Variants in PPP2R5C observed in about 807,000 individuals in gnomAD.
PPP2R5C encodes the protein protein phosphatase 2 regulatory subunit B'gamma.
Under a neutral mutation model 68.9 loss-of-function variants are expected in PPP2R5C, and 7 were observed. That is an observed-to-expected ratio of 0.10 (90% CI 0.06 to 0.19). PPP2R5C has a LOEUF of 0.19. Among genes scored for constraint, PPP2R5C ranks in the 10% least tolerant of loss-of-function variants. The pLI is 1.00. For synonymous variants in PPP2R5C, 210 were observed against 222.2 expected (o/e 0.95, Z 0.49); for missense variants, 348 against 641.3 (o/e 0.54, Z 4.94).
chr14:101,871,228 T>TTTGTTGTTGTTGTTG, intron 2 of PPP2R5C, among the ~76,000 whole-genome samples: 1 of 117,648 alleles, frequency 8.5e-6, no homozygotes, highest in South Asian at 2.6e-4. Context: ...TGTTTTGGTT[T>TTTGTTGTTGTTGTTG]TTGTTGTTGT....
chr14:101,847,797 G>A, intron 1 of PPP2R5C, among the ~76,000 whole-genome samples: 1 of 151,792 alleles, frequency 6.6e-6, no homozygotes, highest in Non-Finnish European at 1.5e-5. Context: ...CGAGTAACTG[G>A]GACTACAGGC....
Position 101,781,886 on chromosome 14 carries a change from C to T in PPP2R5C, c.94-4132C>T, listed in dbSNP as rs1326696258. Reference sequence around the variant, plus strand: ...GCCGTGGCCAGGTGTACCGGAGCGGCACCCAGGAGCCCGCCCTAGCACCCG... The same window carrying T: ...GCCGTGGCCAGGTGTACCGGAGCGGTACCCAGGAGCCCGCCCTAGCACCCG... On this transcript the variant is annotated intron_variant, in intron 2 of 14. Transcript: ENST00000328724. This position sits in a 1 kb window ranked among gnomAD's most constrained non-coding sequence, Gnocchi z 6.4. Among the ~76,000 whole-genome samples the T allele has an allele frequency of 6.6e-6, 1 of 151,854 alleles. No homozygotes were observed. The highest frequency in any genetic ancestry group is 1.5e-5 in the Non-Finnish European group (1 of 67,878).
At chr14:101,878,638 G>T (rs1169568383) in intron 2 of PPP2R5C, among the ~76,000 whole-genome samples, 1 of 152,204 alleles carries the variant, frequency 6.6e-6, no homozygotes, top group Non-Finnish European at 1.5e-5. Flanking sequence ...TCTGGACTCC[G>T]TGGACAGGCA....
chr14:101,822,108 C>G (rs2040121690), intron 1 of PPP2R5C, among the ~76,000 whole-genome samples: 1 of 125,260 alleles, frequency 8.0e-6, no homozygotes, highest in African/African-American at 2.9e-5. Flanking sequence ...ACATCCCTTG[C>G]TAAATTATTA....
chr14:101,911,609 G>A (rs1181101689), intron 11 of PPP2R5C, among the ~76,000 whole-genome samples: 2 of 152,108 alleles, frequency 1.3e-5, no homozygotes, highest in Non-Finnish European at 2.9e-5. Context: ...CTGGCCGGGC[G>A]CAGTGGCTCA....
intron 13 of PPP2R5C, among the ~76,000 whole-genome samples, chr14:101,920,386 C>G (rs920616532): frequency 2.0e-5 from 3 of 152,244 alleles, no homozygotes; most frequent in Admixed American, 6.5e-5. Flanking sequence ...CTTGTAAATA[C>G]ACACACAGGC....
chr14:101,851,087 C>T (rs948756449), intron 1 of PPP2R5C, among the ~76,000 whole-genome samples: 1 of 152,182 alleles, frequency 6.6e-6, no homozygotes, highest in Non-Finnish European at 1.5e-5. Context: ...TGTCTGTGGG[C>T]TCGCGACTTG....
At chr14:101,862,782 A>G (rs1463730135) in intron 2 of PPP2R5C, among the ~76,000 whole-genome samples, 2 of 151,724 alleles carry the variant, frequency 1.3e-5, no homozygotes, top group Non-Finnish European at 2.9e-5. Flanking sequence ...ATAGTTATTC[A>G]TAAATACATG....
At chr14:101,910,401 ATG>A (rs34403296) in intron 11 of PPP2R5C, among the ~76,000 whole-genome samples, 47,796 of 151,110 alleles carry the variant, frequency 0.32, 10,251 homozygotes, top group African/African-American at 0.62. Context: ...GTGTGTATCT[ATG>A]TGTGTGTGTG....
chr14:101,767,026 G>GC (rs2036893610), intron 2 of PPP2R5C: 1 of 152,176 alleles, frequency 6.6e-6, no homozygotes, highest in Non-Finnish European at 1.5e-5. Context: ...ATTAAAGGTC[G>GC]TTTGAGTATT....
intron 3 of PPP2R5C, among the ~76,000 whole-genome samples, chr14:101,787,672 C>T (rs899254727): frequency 3.4e-5 from 5 of 146,364 alleles, no homozygotes; most frequent in East Asian, 4.2e-4. Context: ...GAGGCTGAGG[C>T]GGGAGAATGG....
At chr14:101,894,948 T>C (rs1439024649) in intron 8 of PPP2R5C, among the ~76,000 whole-genome samples, 2 of 152,208 alleles carry the variant, frequency 1.3e-5, no homozygotes, top group African/African-American at 4.8e-5. Flanking sequence ...TTGAAATTAT[T>C]GTTGTACTAA....
chr14:101,825,059 G>T lies in PPP2R5C; in HGVS notation c.94+15023G>T, dbSNP rs200803781. ...AGAGCAGTTAAGTGGAAGGCAAGAC[G>T]CAGCAGTGGCTTCTCACGCCATCTT... is the stretch of plus-strand genomic sequence containing the variant. On this transcript the variant is annotated intron_variant, in intron 1 of 13. Coordinates refer to ENST00000334743, the Ensembl canonical transcript of PPP2R5C. The surrounding 1 kb of genome is among the most constrained non-coding windows in gnomAD (Gnocchi z 4.0). 5.3e-5 allele frequency: 8 copies of T among 152,264 alleles called. No individual in the cohort carries two copies. The highest frequency in any genetic ancestry group is 2.0e-4 in the Admixed American group (3 of 15,278). The allele number at this position is 152,264 out of a possible 1,614,324, so 9.4% of individuals were successfully genotyped here.
chr14:101,876,736 G>C (rs190773550), intron 2 of PPP2R5C, among the ~76,000 whole-genome samples: 1 of 152,178 alleles, frequency 6.6e-6, no homozygotes, highest in Non-Finnish European at 1.5e-5. Context: ...AGATGGGGCC[G>C]TGTGAATCAC....
At chr14:101,761,630 G>T (rs1483447300), upstream of PPP2R5C, among the ~76,000 whole-genome samples, 3 of 132,890 alleles carry the variant, frequency 2.3e-5, no homozygotes, top group Non-Finnish European at 3.3e-5. Context: ...CGGCCGGGGG[G>T]TGGGAGGAGA....
At chr14:101,871,225 GT>G (rs780908116) in intron 2 of PPP2R5C, among the ~76,000 whole-genome samples, 11,351 of 134,396 alleles carry the variant, frequency 0.084, 470 homozygotes, top group Middle Eastern at 0.16. Flanking sequence ...TTTTGTTTTG[GT>G]TTTTGTTGTT....
intron 2 of PPP2R5C, among the ~76,000 whole-genome samples, chr14:101,863,625 G>A (rs1178430541): frequency 5.3e-5 from 8 of 151,998 alleles, no homozygotes; most frequent in South Asian, 2.1e-4. Context: ...GGCCAGGTAC[G>A]GTGGCTCACA....
chr14:101,761,435 T>C (rs1405591371), upstream of PPP2R5C, among the ~76,000 whole-genome samples: 1 of 150,080 alleles, frequency 6.7e-6, no homozygotes, highest in Non-Finnish European at 1.5e-5. Context: ...GCGGCCTGCC[T>C]GAGGCCGGCT....
exon 14 of PPP2R5C, chr14:101,926,420 A>C (rs1420220969): frequency 6.5e-6 from 1 of 152,694 alleles, no homozygotes; most frequent in Non-Finnish European, 1.5e-5. Context: ...ATCGGTCTTC[A>C]CATGCTGCTA....
Sources: allele counts gnomAD v4.1 joint callset (sites outside exome capture counted in the v4.1 genomes callset), GRCh38; gene constraint gnomAD v4.1.1; non-coding constraint Gnocchi (gnomAD v3.1); transcripts MANE v1.5; gene names NCBI Gene and HGNC (gene_info 2026-07-23, HGNC 2026-07-21).